Variants in ABCA13 observed in about 807,000 individuals in gnomAD.
The protein encoded by ABCA13 is ATP binding cassette subfamily A member 13, also known as ATP-binding cassette sub-family A member 13.
In ABCA13, 476 loss-of-function variants were observed where a neutral mutation model predicts 478.7. That is an observed-to-expected ratio of 0.99 (90% confidence interval 0.92 to 1.07). The LOEUF is 1.07. Among genes scored for constraint, ABCA13 ranks in the 50% least tolerant of loss-of-function variants. The pLI, the probability that ABCA13 is intolerant of heterozygous loss-of-function variation, is 0.00. For missense variants in ABCA13, 6,060 were observed against 5,910.6 expected (o/e 1.03, Z -0.83); for synonymous variants, 2,252 against 2,158.9 (o/e 1.04, Z -1.20).
At position 48,367,901 on chromosome 7, in the gene ABCA13, T is replaced by A; in HGVS notation, c.10796T>A (p.Ile3599Lys). ...RKLVYEQEIQ[I>K]EEYMRMMGVH... ...TTGGTGTATGAGCAGGAGATACAGA[T>A]AGAAGAGGTAAATATCCTTAAACCT... Residue 3599 changes from isoleucine to lysine, a missense_variant, in exon 32 of 62, where the codon ATA (isoleucine) becomes AAA (lysine). By Grantham distance (102) the Ile-to-Lys change is moderately radical (BLOSUM62 -3). This residue lies in a region of ABCA13 where 4,423 missense variants were observed against 4,309.1 expected (regional missense o/e 1.03). Coordinates refer to ENST00000435803, the MANE Select transcript of ABCA13 (RefSeq NM_152701.5). 6.4e-7 allele frequency: 1 copy of A among 1,566,746 alleles called. No homozygotes were observed. Among genetic ancestry groups the A allele is most frequent in the African/African-American group, 1.4e-5 (1 of 74,020 alleles).
At chr7:48,379,485 A>G (rs746604876) in intron 35 of ABCA13, among the ~76,000 whole-genome samples, 50 of 152,306 alleles carry the variant, frequency 3.3e-4, no homozygotes, top group Non-Finnish European at 6.3e-4. Context: ...TTTAATATAA[A>G]AGAGAAATAG....
chr7:48,234,200 T>C, intron 8 of ABCA13, 49 bp downstream of exon 8: 4 of 1,612,824 alleles, frequency 2.5e-6, no homozygotes, highest in Non-Finnish European at 3.4e-6. Flanking sequence ...TCCTGGAGAC[T>C]GGATCTAGAG....
chr7:48,572,477 A>G (rs1183713735), intron 55 of ABCA13, among the ~76,000 whole-genome samples: 2 of 152,052 alleles, frequency 1.3e-5, no homozygotes, highest in Admixed American at 1.3e-4. Flanking sequence ...CTATTTTTAT[A>G]AGCAATAATT....
intron 29 of ABCA13, among the ~76,000 whole-genome samples, chr7:48,348,275 T>C (rs999131724): frequency 3.9e-5 from 6 of 152,188 alleles, no homozygotes; most frequent in Non-Finnish European, 7.3e-5. Flanking sequence ...TGTGTCCCAG[T>C]TGGGGGACTC....
intron 28 of ABCA13, among the ~76,000 whole-genome samples, chr7:48,336,848 G>A (rs1052702818): frequency 6.6e-6 from 1 of 152,230 alleles, no homozygotes; most frequent in Non-Finnish European, 1.5e-5. Context: ...AACCTTTGCA[G>A]TTAATGGGAC....
At chr7:48,203,324 A>G (rs1356148333) in intron 3 of ABCA13, among the ~76,000 whole-genome samples, 1 of 152,186 alleles carries the variant, frequency 6.6e-6, no homozygotes, top group Non-Finnish European at 1.5e-5. Flanking sequence ...AAGCTGAAGG[A>G]GTGGGCTCCG....
chr7:48,470,210 T>C (rs1023757115), intron 44 of ABCA13, among the ~76,000 whole-genome samples: 3 of 152,246 alleles, frequency 2.0e-5, no homozygotes, highest in African/African-American at 7.2e-5. Context: ...TTAGTGAATC[T>C]GTTTGAACAC....
rs1348764225 is a variant in ABCA13, at chr7:48,281,419, A to G, written c.8803A>G (p.Met2935Val). The G allele has an allele frequency of 1.2e-6, 2 of 1,606,592 alleles. No individual in the cohort carries two copies. Among genetic ancestry groups the G allele is most frequent in the Admixed American group, 1.7e-5 (1 of 59,018 alleles). ...EAMEMLQKVK[M>V]MVVRVLTIVA... ...CATGGAGATGCTGCAGAAAGTGAAG[A>G]TGATGGTCGTACGTGTGCTCACCAT... The change falls in exon 19 of 62, where the codon ATG becomes GTG. Residue 2935 changes from methionine to valine, a missense_variant. Met to Val is a conservative substitution (Grantham distance 21). This residue lies in a region of ABCA13 where 4,423 missense variants were observed against 4,309.1 expected (regional missense o/e 1.03). Transcript: ENST00000435803.
intron 58 of ABCA13, among the ~76,000 whole-genome samples, chr7:48,595,531 G>A (rs1318413356): frequency 6.6e-6 from 1 of 152,182 alleles, no homozygotes; most frequent in Admixed American, 6.5e-5. Flanking sequence ...AACAAATTTA[G>A]CTTGATACAG....
intron 38 of ABCA13, among the ~76,000 whole-genome samples, chr7:48,399,781 G>T (rs1278826815): frequency 6.6e-6 from 1 of 152,164 alleles, no homozygotes; most frequent in African/African-American, 2.4e-5. Context: ...GATGACCTGA[G>T]ATTCAAGGCT....
intron 8 of ABCA13, among the ~76,000 whole-genome samples, chr7:48,238,750 G>C (rs1054723069): frequency 6.6e-6 from 1 of 152,202 alleles, no homozygotes; most frequent in Non-Finnish European, 1.5e-5. Context: ...TTACAGGCGT[G>C]AGCCACCGTG....
At chr7:48,210,173 G>A (rs565300177) in intron 3 of ABCA13, among the ~76,000 whole-genome samples, 1 of 152,280 alleles carries the variant, frequency 6.6e-6, no homozygotes, top group Admixed American at 6.5e-5. Flanking sequence ...CAATCATGGT[G>A]GAAGGGGAAG....
At position 48,271,828 on chromosome 7, in the gene ABCA13, A is replaced by T. The variant is rs375763897; in HGVS notation, c.2162A>T (p.Lys721Met). 1.9e-6 allele frequency: 3 copies of T among 1,557,462 alleles called. No individual in the cohort carries two copies. In the African/African-American group the frequency reaches 4.1e-5, roughly 21 times the overall value. ...FTKHLLMMEK[K>M]LHTLEDEQMN... ...AAGCACCTTCTAATGATGGAAAAGA[A>T]GTTGCACACCCTTGAGGATGAACAA... Residue 721 changes from lysine to methionine, a missense_variant, in exon 17 of 62, where the codon AAG (lysine) becomes ATG (methionine). Physicochemically the swap from Lys to Met is moderately conservative, Grantham distance 95. Transcript: ENST00000435803.
chr7:48,457,960 A>G (rs1057055146), intron 43 of ABCA13, among the ~76,000 whole-genome samples: 4 of 152,184 alleles, frequency 2.6e-5, no homozygotes, highest in African/African-American at 9.7e-5. Flanking sequence ...GATAGTCAAA[A>G]ATTAGTGGGC....
At chr7:48,339,373 A>G (rs1203793066) in intron 29 of ABCA13, among the ~76,000 whole-genome samples, 3 of 152,250 alleles carry the variant, frequency 2.0e-5, no homozygotes, top group Non-Finnish European at 2.9e-5. Context: ...AACACCTTTA[A>G]AAGAAGAAGT....
At chr7:48,418,941 A>G (rs879261713) in intron 41 of ABCA13, among the ~76,000 whole-genome samples, 6 of 152,200 alleles carry the variant, frequency 3.9e-5, no homozygotes, top group Non-Finnish European at 7.3e-5. Context: ...AATTGGCTCA[A>G]GGTTCTGCAG....
intron 23 of ABCA13, among the ~76,000 whole-genome samples, chr7:48,301,072 G>A (rs948655931): frequency 6.6e-6 from 1 of 152,172 alleles, no homozygotes; most frequent in Non-Finnish European, 1.5e-5. Flanking sequence ...TAAACAATTA[G>A]GCAGAGTTCA....
At chr7:48,455,413 T>A (rs1825555164) in intron 43 of ABCA13, 127 bp downstream of exon 43, 1 of 1,344,206 alleles carries the variant, frequency 7.4e-7, no homozygotes, top group African/African-American at 1.5e-5. Flanking sequence ...ATTTCCGAGG[T>A]CTGAATTCAC....
chr7:48,427,698 C>A, intron 41 of ABCA13, 68 bp from the exon 42 acceptor site: 1 of 1,020,192 alleles, frequency 9.8e-7, no homozygotes. Context: ...GCAATTGAGG[C>A]AGAAGAAAAG....
Sources: gnomAD v4.1 joint callset for allele counts (sites outside exome capture counted in the v4.1 genomes callset) on GRCh38, gnomAD v4.1.1 for gene constraint, gnomAD v4.1.1 regional missense constraint, MANE v1.5 for transcripts, NCBI Gene and HGNC (gene_info 2026-07-23, HGNC 2026-07-21) for gene names.